MACROD2: variants seen among roughly 807,000 people sequenced by gnomAD.
MACROD2 encodes the protein ADP-ribose glycohydrolase MACROD2.
In MACROD2, 36 loss-of-function variants were observed where a neutral mutation model predicts 70.4. The ratio of observed to expected loss-of-function variants is 0.51; its 90% CI spans 0.39 to 0.68. The LOEUF (loss-of-function observed/expected upper bound fraction) is 0.68, where lower values mean the gene tolerates loss of function less well. Ranked by LOEUF, MACROD2 falls within the 30% of genes least tolerant of loss-of-function variation. MACROD2 has a pLI of 0.00. For missense variants in MACROD2, 496 were observed against 538.4 expected (o/e 0.92, Z 0.78); for synonymous variants, 172 against 178.8 (o/e 0.96, Z 0.30).
intron 5 of MACROD2, among the ~76,000 whole-genome samples, chr20:15,088,004 A>AT (rs1418963864): frequency 1.3e-5 from 2 of 151,922 alleles, no homozygotes; most frequent in Non-Finnish European, 2.9e-5. Context: ...TAAAATATTG[A>AT]TTTTTTTCAC....
chr20:15,083,641 T>G (rs1453567264), intron 5 of MACROD2, among the ~76,000 whole-genome samples: 2 of 151,958 alleles, frequency 1.3e-5, no homozygotes, highest in African/African-American at 4.8e-5. Flanking sequence ...TAGGCTGGCA[T>G]GTAAAATGTA....
intron 3 of MACROD2, among the ~76,000 whole-genome samples, chr20:14,368,184 A>T (rs200428616): frequency 3.3e-5 from 5 of 152,266 alleles, no homozygotes; most frequent in East Asian, 3.9e-4. Flanking sequence ...CCTCAAGTAC[A>T]GTTTTTGTTA....
chr20:15,229,108 C>T (rs115955978), intron 5 of MACROD2, among the ~76,000 whole-genome samples: 1 of 152,136 alleles, frequency 6.6e-6, no homozygotes, highest in Non-Finnish European at 1.5e-5. Context: ...GGTTTTTCTT[C>T]TGCTCTTTCT....
intron 6 of MACROD2, among the ~76,000 whole-genome samples, chr20:15,399,283 C>T (rs548721557): frequency 6.6e-6 from 1 of 152,152 alleles, no homozygotes; most frequent in African/African-American, 2.4e-5. Context: ...CAACAGCCAC[C>T]ATGGTTTTAT....
intron 3 of MACROD2, among the ~76,000 whole-genome samples, chr20:14,357,999 A>G (rs1220379028): frequency 6.6e-6 from 1 of 152,202 alleles, no homozygotes; most frequent in East Asian, 1.9e-4. Context: ...GTCCATTGAA[A>G]CATTCAACTT....
At chr20:15,585,478 G>A (rs193233335) in intron 8 of MACROD2, among the ~76,000 whole-genome samples, 3 of 152,156 alleles carry the variant, frequency 2.0e-5, no homozygotes, top group Admixed American at 1.3e-4. Flanking sequence ...TTAGAGGCGT[G>A]AGCCACCATG....
chr20:15,575,864 G>T (rs1325515765), intron 8 of MACROD2, among the ~76,000 whole-genome samples: 1 of 151,926 alleles, frequency 6.6e-6, no homozygotes, highest in Non-Finnish European at 1.5e-5. Flanking sequence ...CCTCCCCAAA[G>T]GTACCATTAT....
chr20:14,305,468 TATAG>T (rs1157898745), intron 3 of MACROD2, among the ~76,000 whole-genome samples: 1 of 152,026 alleles, frequency 6.6e-6, no homozygotes, highest in Non-Finnish European at 1.5e-5. Context: ...GAACAGTATA[TATAG>T]AGAGAAGAGG....
rs535667860 is a variant in MACROD2 at position 14,244,481 on chromosome 20, G to C, written c.271+158753G>C. 2.6e-5 allele frequency among the ~76,000 whole-genome samples: 4 copies of C among 152,260 alleles called. No individual in the cohort carries two copies. In the South Asian group the frequency reaches 8.3e-4, roughly 32 times the overall value. On this transcript the variant is annotated intron_variant, in intron 3 of 17. Coordinates refer to ENST00000684519, the MANE Select transcript of MACROD2 (RefSeq NM_001351661.2). ...ATGTAGATGGCCAACTCTAGAAGGA[G>C]GTGTGACATTGTGGTGTCCAGGCTG... is the stretch of plus-strand genomic sequence containing the variant.
In MACROD2 at chr20:14,647,947, C is replaced by G. The variant is rs2026511; in HGVS notation, c.302-36896C>G. Among the ~76,000 whole-genome samples, 691 of 152,284 alleles carry G rather than the reference C, an allele frequency of 4.5e-3. 4 individuals carry two copies. The highest frequency in any genetic ancestry group is 0.015 in the African/African-American group (619 of 41,564). On this transcript the variant is annotated intron_variant, in intron 4 of 17. Transcript: ENST00000684519. ...CAACACCACCTCTTTCCCCAGAGCA[C>G]TGCCATTTGCATCCTATCCAGCTAG...
At chr20:14,469,888 G>A (rs184308604) in intron 3 of MACROD2, among the ~76,000 whole-genome samples, 7 of 151,892 alleles carry the variant, frequency 4.6e-5, no homozygotes, top group East Asian at 2.0e-4. Flanking sequence ...TCTTTAGCTC[G>A]GAGGAGTTTG....
At chr20:14,483,288 A>G (rs908203626) in intron 3 of MACROD2, among the ~76,000 whole-genome samples, 1 of 152,240 alleles carries the variant, frequency 6.6e-6, no homozygotes, top group Non-Finnish European at 1.5e-5. Flanking sequence ...TCATGGGGAC[A>G]TGATATTTAG....
At chr20:15,469,812 A>C (rs1167748754) in intron 7 of MACROD2, among the ~76,000 whole-genome samples, 1 of 152,130 alleles carries the variant, frequency 6.6e-6, no homozygotes, top group Non-Finnish European at 1.5e-5. Flanking sequence ...TGTACCAAGC[A>C]CCGACTCCAT....
At chr20:15,571,795 G>C (rs1248106354) in intron 8 of MACROD2, among the ~76,000 whole-genome samples, 1 of 152,094 alleles carries the variant, frequency 6.6e-6, no homozygotes, top group East Asian at 1.9e-4. Flanking sequence ...GGATTACTTG[G>C]TCAGACAGAT....
At chr20:15,901,299 A>G (rs1222080803) in intron 10 of MACROD2, among the ~76,000 whole-genome samples, 1 of 151,396 alleles carries the variant, frequency 6.6e-6, no homozygotes, top group Non-Finnish European at 1.5e-5. Flanking sequence ...AAGAAACTAC[A>G]GAAGGTCCAC....
intron 6 of MACROD2, among the ~76,000 whole-genome samples, chr20:15,306,092 C>T (rs1007689602): frequency 5.3e-5 from 8 of 152,090 alleles, no homozygotes; most frequent in African/African-American, 1.9e-4. Context: ...TAGTTTGTTT[C>T]CAATCCTCTT....
chr20:14,144,939 C>T (rs143626186), intron 3 of MACROD2, among the ~76,000 whole-genome samples: 7 of 152,258 alleles, frequency 4.6e-5, no homozygotes, highest in African/African-American at 9.6e-5. Flanking sequence ...TATCTCAGTT[C>T]GCAGCTCCAT....
chr20:15,920,079 T>C (rs1047871896), intron 10 of MACROD2, among the ~76,000 whole-genome samples: 3 of 152,162 alleles, frequency 2.0e-5, no homozygotes, highest in East Asian at 3.9e-4. Flanking sequence ...CATTACTAAA[T>C]AAAAGTAATT....
chr20:15,104,429 A>T (rs1289687077), intron 5 of MACROD2, among the ~76,000 whole-genome samples: 2 of 152,148 alleles, frequency 1.3e-5, no homozygotes, highest in African/African-American at 4.8e-5. Flanking sequence ...TTTAACGTAT[A>T]CTTGGTTAGC....
Sources: gnomAD v4.1 joint callset for allele counts (sites outside exome capture counted in the v4.1 genomes callset) on GRCh38, gnomAD v4.1.1 for gene constraint, MANE v1.5 for transcripts, NCBI Gene and HGNC (gene_info 2026-07-23, HGNC 2026-07-21) for gene names.